CPEB2: variants seen among roughly 807,000 people sequenced by gnomAD.
The protein encoded by CPEB2 is cytoplasmic polyadenylation element-binding protein 2.
Under a neutral mutation model 93.6 loss-of-function variants are expected in CPEB2, and 56 were observed. The ratio of observed to expected loss-of-function variants is 0.60; its 90% CI spans 0.48 to 0.75. The LOEUF is 0.75. Among genes scored for constraint, CPEB2 ranks in the 30% least tolerant of loss-of-function variants. CPEB2 has a pLI of 0.00. For missense variants in CPEB2, 1,579 were observed against 1,395.1 expected, an observed-to-expected ratio of 1.13 and a Z score of -2.10; for synonymous variants, 764 against 586.3, an observed-to-expected ratio of 1.30 and a Z score of -4.38.
In CPEB2 at chr4:15,029,614, G is replaced by A. The variant is rs375202167; in HGVS notation, c.2126-3547G>A. On this transcript the variant is annotated intron_variant, in intron 4 of 11. Coordinates refer to ENST00000538197, the MANE Select transcript of CPEB2 (RefSeq NM_001177382.2). ...TTTAATTTGCCCAGGTTTATTACTA[G>A]ATGACTTTGTTTGTAAGCTTAGGTT... Among the ~76,000 whole-genome samples the A allele has an allele frequency of 7.2e-5, 11 of 152,062 alleles. No homozygotes were observed. In the East Asian group the frequency reaches 1.9e-3, roughly 27 times the overall value.
chr4:15,026,066 A>C (rs1377346970), intron 4 of CPEB2, among the ~76,000 whole-genome samples: 1 of 152,108 alleles, frequency 6.6e-6, no homozygotes, highest in Admixed American at 6.6e-5. Context: ...CTTCATGTTC[A>C]GTTGGCAGTC....
At chr4:15,048,611 A>G (rs1727936463) in intron 6 of CPEB2, among the ~76,000 whole-genome samples, 1 of 150,784 alleles carries the variant, frequency 6.6e-6, no homozygotes, top group African/African-American at 2.4e-5. Flanking sequence ...TTTGTATTTT[A>G]TTTGCTGTTC....
In CPEB2 at chr4:15,003,244, C is replaced by T. The variant is rs994572542; in HGVS notation, c.571C>T (p.Pro191Ser). Residue 191 changes from proline to serine, a missense_variant, in exon 1 of 12, where the codon CCG becomes TCG. Physicochemically the swap from Pro to Ser is moderately conservative, Grantham distance 74 (BLOSUM62 -1). Around this residue, in one of 2 missense-constraint regions of CPEB2, gnomAD observed 1,411 missense variants for 1,056.0 expected, o/e 1.34. Transcript: ENST00000538197. ...CAGCCCTCCCCACCTTCCCCACCCT[C>T]CGGACTCGAAGCCGCCGCCGCCGCC... ...EFSPPHLPHP[P>S]DSKPPPPPPP... 43 of 1,523,944 alleles carry T rather than the reference C, an allele frequency of 2.8e-5. No individual in the cohort carries two copies. The highest frequency in any genetic ancestry group is 3.7e-5 in the Non-Finnish European group (42 of 1,143,386). The allele number at this position is 1,523,944 out of a possible 1,614,324, so 94.4% of individuals were successfully genotyped here.
intron 4 of CPEB2, among the ~76,000 whole-genome samples, chr4:15,024,952 G>T (rs1467440361): frequency 6.6e-6 from 1 of 151,808 alleles, no homozygotes; most frequent in African/African-American, 2.4e-5. Context: ...CACTGTGTTT[G>T]GCCAAGCTGG....
chr4:15,045,229 C>T (rs1284803290), intron 6 of CPEB2, among the ~76,000 whole-genome samples: 1 of 152,104 alleles, frequency 6.6e-6, no homozygotes, highest in East Asian at 1.9e-4. Flanking sequence ...GAATCTCACT[C>T]CAGCCTGGGT....
chr4:15,009,566 T>C (rs1723223029), intron 3 of CPEB2, among the ~76,000 whole-genome samples: 1 of 152,204 alleles, frequency 6.6e-6, no homozygotes, highest in Non-Finnish European at 1.5e-5. Context: ...TTAAATTCAA[T>C]ACATGAATGC....
intron 4 of CPEB2, among the ~76,000 whole-genome samples, chr4:15,025,445 A>G (rs1375119755): frequency 6.6e-6 from 1 of 152,100 alleles, no homozygotes; most frequent in Non-Finnish European, 1.5e-5. Context: ...AAAGTAAGAC[A>G]CAAAAAATGG....
At chr4:15,044,152 A>G (rs1727445695) in intron 6 of CPEB2, among the ~76,000 whole-genome samples, 1 of 152,224 alleles carries the variant, frequency 6.6e-6, no homozygotes. Flanking sequence ...GGGTAACACT[A>G]ATACAGGGGT....
intron 6 of CPEB2, 56 bp downstream of exon 6, chr4:15,040,543 A>G (rs1727066570): frequency 1.1e-5 from 15 of 1,422,490 alleles, no homozygotes; most frequent in African/African-American, 1.4e-5. Flanking sequence ...TTACTGATCA[A>G]TGTTGTAATT....
intron 4 of CPEB2, among the ~76,000 whole-genome samples, chr4:15,018,931 G>A (rs1479719764): frequency 1.2e-5 from 1 of 84,070 alleles, no homozygotes; most frequent in Non-Finnish European, 2.2e-5. Flanking sequence ...AGGCTAAGGG[G>A]AATTTTATAT....
rs1313002129 is a variant in CPEB2, at chr4:15,004,155, T to C, written c.1482T>C (p.Ala494=). ...GCGGCTTCGGCGGCCCCTTCTCGGC[T>C]ACCGCTGTGCCCCCTCCGCCGCCGC... is the stretch of plus-strand genomic sequence containing the variant. The part of the protein sequence containing the change: ...GGGGFGGPFS[A]TAVPPPPPPA... Residue 494 remains alanine, a synonymous_variant, in exon 1 of 12, where the codon GCT becomes GCC. Coordinates refer to ENST00000538197, the MANE Select transcript of CPEB2 (RefSeq NM_001177382.2). The C allele has an allele frequency of 1.0e-6, 1 of 988,904 alleles. No individual in the cohort carries two copies. The highest frequency in any genetic ancestry group is 1.4e-6 in the Non-Finnish European group (1 of 740,450). 61.3% of individuals were successfully genotyped at this position (988,904 alleles called of 1,614,324 possible). A position where few individuals can be genotyped will look rare whatever the true frequency, so the allele number is the denominator to read the frequency against.
chr4:15,059,752 A>G (rs996129678), intron 10 of CPEB2, among the ~76,000 whole-genome samples: 1 of 152,150 alleles, frequency 6.6e-6, no homozygotes, highest in Non-Finnish European at 1.5e-5. Context: ...ATCAATAACT[A>G]GGAACCAAAA....
At chr4:15,011,163 C>T (rs1388444529) in intron 3 of CPEB2, among the ~76,000 whole-genome samples, 9 of 147,030 alleles carry the variant, frequency 6.1e-5, no homozygotes, top group Non-Finnish European at 8.9e-5. Flanking sequence ...TGCAGTGGCA[C>T]GATCTCGTCT....
At chr4:15,032,626 T>C (rs1433655959) in intron 4 of CPEB2, among the ~76,000 whole-genome samples, 1 of 152,114 alleles carries the variant, frequency 6.6e-6, no homozygotes, top group Non-Finnish European at 1.5e-5. Context: ...ATTTGTAATA[T>C]AAGATGTTTT....
At chr4:15,022,746 T>A (rs1290544961) in intron 4 of CPEB2, among the ~76,000 whole-genome samples, 1 of 152,120 alleles carries the variant, frequency 6.6e-6, no homozygotes, top group African/African-American at 2.4e-5. Context: ...GTACATGGAA[T>A]CTTAATACTT....
intron 11 of CPEB2, among the ~76,000 whole-genome samples, chr4:15,063,556 G>C (rs1025765036): frequency 6.6e-6 from 1 of 152,076 alleles, no homozygotes; most frequent in Non-Finnish European, 1.5e-5. Context: ...CTGCTGAATT[G>C]GTTATAAAGC....
At chr4:15,021,024 G>C (rs984266735) in intron 4 of CPEB2, among the ~76,000 whole-genome samples, 2 of 152,134 alleles carry the variant, frequency 1.3e-5, no homozygotes, top group Admixed American at 6.6e-5. Context: ...GCATGGAAGA[G>C]ATTGTTACAT....
At chr4:15,047,370 G>T (rs1042070561) in intron 6 of CPEB2, among the ~76,000 whole-genome samples, 1 of 152,112 alleles carries the variant, frequency 6.6e-6, no homozygotes, top group African/African-American at 2.4e-5. Context: ...AATTTGGAAA[G>T]AATTTACATC....
At chr4:15,010,500 T>C (rs1277011517) in intron 3 of CPEB2, 1 of 152,134 alleles carries the variant, frequency 6.6e-6, no homozygotes, top group Non-Finnish European at 1.5e-5. Flanking sequence ...TACACATAGT[T>C]TGTTGTGTGT....
Sources: allele counts gnomAD v4.1 joint callset (sites outside exome capture counted in the v4.1 genomes callset), GRCh38; gene constraint gnomAD v4.1.1; regional missense constraint gnomAD v4.1.1; transcripts MANE v1.5; gene names NCBI Gene and HGNC (gene_info 2026-07-23, HGNC 2026-07-21).